The following CTNNA3 variants were observed in gnomAD, a reference collection of about 807,000 sequenced individuals.
The protein encoded by CTNNA3 is catenin alpha 3, also known as catenin alpha-3.
Under a neutral mutation model 95.7 loss-of-function variants are expected in CTNNA3, and 76 were observed. That is an observed-to-expected ratio of 0.79 (90% CI 0.66 to 0.96). CTNNA3 has a LOEUF of 0.96. CTNNA3 is among the 40% of genes least tolerant of loss of function. The pLI, the probability that CTNNA3 is intolerant of heterozygous loss-of-function variation, is 0.00. For missense variants in CTNNA3, 1,191 were observed against 1,089.8 expected (o/e 1.09, Z -1.31); for synonymous variants, 431 against 374.4 (o/e 1.15, Z -1.74).
intron 17 of CTNNA3, among the ~76,000 whole-genome samples, chr10:65,931,954 G>A (rs887352976): frequency 2.0e-5 from 3 of 152,188 alleles, no homozygotes; most frequent in African/African-American, 7.2e-5. Flanking sequence ...ACCAGGAGAA[G>A]CAAGAAGCCA....
At chr10:66,628,692 G>A (rs1315096422) in intron 9 of CTNNA3, among the ~76,000 whole-genome samples, 1 of 152,112 alleles carries the variant, frequency 6.6e-6, no homozygotes, top group East Asian at 1.9e-4. Flanking sequence ...GAAAAATGGT[G>A]TCTATGCCCC....
At chr10:65,920,742 C>T in intron 17 of CTNNA3, 125 bp from the exon 18 acceptor site, 4 of 1,041,396 alleles carry the variant, frequency 3.8e-6, no homozygotes, top group Admixed American at 2.6e-5. Flanking sequence ...GGGAGGATCA[C>T]TTGAGCCCAG....
intron 5 of CTNNA3, among the ~76,000 whole-genome samples, chr10:67,359,394 A>G (rs1417390339): frequency 6.6e-6 from 1 of 152,116 alleles, no homozygotes; most frequent in Non-Finnish European, 1.5e-5. Context: ...CTAGATTAAA[A>G]TGTGGAAATG....
intron 5 of CTNNA3, among the ~76,000 whole-genome samples, chr10:67,409,196 A>G (rs773340870): frequency 1.8e-4 from 28 of 152,162 alleles, no homozygotes; most frequent in Middle Eastern, 3.2e-3. Flanking sequence ...AGAGATCTAG[A>G]GGCAGAACTA....
At chr10:67,352,486 A>G (rs190624695) in intron 5 of CTNNA3, among the ~76,000 whole-genome samples, 9 of 152,052 alleles carry the variant, frequency 5.9e-5, no homozygotes, top group African/African-American at 2.2e-4. Flanking sequence ...TCCAAGTAGT[A>G]TTATTCCTTA....
intron 1 of CTNNA3, among the ~76,000 whole-genome samples, chr10:67,687,323 G>T (rs1840752289): frequency 6.6e-6 from 1 of 152,204 alleles, no homozygotes; most frequent in Admixed American, 6.5e-5. Flanking sequence ...GTACTCTGGG[G>T]CAGTGAGCCT....
At chr10:66,854,301 A>C (rs1357514100) in intron 7 of CTNNA3, among the ~76,000 whole-genome samples, 1 of 97,722 alleles carries the variant, frequency 1.0e-5, no homozygotes, top group Non-Finnish European at 2.4e-5. Context: ...GGTGATCTTA[A>C]TCAAATTGTT....
rs886873222 is a variant in CTNNA3 at position 66,473,399 on chromosome 10, C to T, written c.1531+47218G>A. ...CTCCTGCCGACATGTGAAGAAGGTC[C>T]TTGCTGCCCCTTTGCCTTCTGCCAT... On this transcript the variant is annotated intron_variant, in intron 11 of 17. Coordinates refer to ENST00000433211, the MANE Select transcript of CTNNA3 (RefSeq NM_013266.4). Among the ~76,000 whole-genome samples, 84 of 151,944 alleles carry T rather than the reference C, an allele frequency of 5.5e-4. 1 individual carries two copies. Among genetic ancestry groups the T allele is most frequent in the African/African-American group, 1.8e-3 (76 of 41,392 alleles).
chr10:67,736,986 C>G (rs1841306514), intron 1 of CTNNA3, among the ~76,000 whole-genome samples: 1 of 151,696 alleles, frequency 6.6e-6, no homozygotes, highest in South Asian at 2.1e-4. Flanking sequence ...TTGGGGGGGA[C>G]AGCGTCTCAC....
At chr10:67,068,955 G>A (rs924289427) in intron 7 of CTNNA3, among the ~76,000 whole-genome samples, 4 of 152,176 alleles carry the variant, frequency 2.6e-5, no homozygotes, top group Admixed American at 6.5e-5. Context: ...AGCTACTCAG[G>A]AGGCTGAGGC....
Position 67,092,977 on chromosome 10 carries a change from T to TA in CTNNA3, c.1047+87339dup, listed in dbSNP as rs11372625. Among the ~76,000 whole-genome samples the TA allele has an allele frequency of 7.6e-3, 1,150 of 152,158 alleles. 7 individuals are homozygous for TA. The highest frequency in any genetic ancestry group is 0.026 in the African/African-American group (1,078 of 41,540). On this transcript the variant is annotated intron_variant, in intron 7 of 17. Coordinates refer to ENST00000433211, the MANE Select transcript of CTNNA3 (RefSeq NM_013266.4). Reference sequence around the variant, plus strand: ...TAAGAGTATACATGATAATGCTTTCTAGAGAGTAAGTTTTTATACCCCTGA... The same window carrying TA: ...TAAGAGTATACATGATAATGCTTTCTAAGAGAGTAAGTTTTTATACCCCTGA...
chr10:66,305,464 A>G (rs1156621129), intron 12 of CTNNA3, among the ~76,000 whole-genome samples: 2 of 152,184 alleles, frequency 1.3e-5, no homozygotes. Context: ...TCATTATTCA[A>G]TCTTTAATCC....
intron 7 of CTNNA3, among the ~76,000 whole-genome samples, chr10:67,051,187 A>T (rs12357338): frequency 0.44 from 67,176 of 152,014 alleles, 15,242 homozygotes; most frequent in Middle Eastern, 0.61. Context: ...ACCTGGGTGA[A>T]TTATTATTCC....
intron 7 of CTNNA3, among the ~76,000 whole-genome samples, chr10:67,162,195 T>C (rs1468927765): frequency 6.6e-6 from 1 of 152,076 alleles, no homozygotes; most frequent in Non-Finnish European, 1.5e-5. Context: ...CAACATTTTA[T>C]AGAACACCTT....
At chr10:66,847,112 G>A (rs1253577128) in intron 7 of CTNNA3, among the ~76,000 whole-genome samples, 1 of 152,156 alleles carries the variant, frequency 6.6e-6, no homozygotes, top group Non-Finnish European at 1.5e-5. Flanking sequence ...ACTAGTTGAT[G>A]ACTTTGGTCT....
intron 7 of CTNNA3, among the ~76,000 whole-genome samples, chr10:67,141,588 G>A (rs1860568779): frequency 6.6e-6 from 1 of 152,120 alleles, no homozygotes; most frequent in South Asian, 2.1e-4. Flanking sequence ...GGGTTCAACA[G>A]AGTAGCCATA....
chr10:67,316,662 G>A (rs1352278372), intron 5 of CTNNA3, among the ~76,000 whole-genome samples: 1 of 152,070 alleles, frequency 6.6e-6, no homozygotes, highest in Non-Finnish European at 1.5e-5. Context: ...AGATAATATA[G>A]CATAAAGTAT....
chr10:67,307,728 C>A (rs1314933129), intron 5 of CTNNA3, among the ~76,000 whole-genome samples: 1 of 152,080 alleles, frequency 6.6e-6, no homozygotes, highest in African/African-American at 2.4e-5. Context: ...ACAACCTATA[C>A]CCCCAAACCT....
chr10:66,779,116 C>G (rs1840428346), intron 7 of CTNNA3, among the ~76,000 whole-genome samples: 1 of 152,146 alleles, frequency 6.6e-6, no homozygotes, highest in Non-Finnish European at 1.5e-5. Flanking sequence ...TAAAACCCTT[C>G]ACTGTATCCC....
Sources: allele counts gnomAD v4.1 joint callset (sites outside exome capture counted in the v4.1 genomes callset), GRCh38; gene constraint gnomAD v4.1.1; transcripts MANE v1.5; gene names NCBI Gene and HGNC (gene_info 2026-07-23, HGNC 2026-07-21).